The following RBM19 variants were observed in gnomAD, a reference collection of about 807,000 sequenced individuals.
RBM19 encodes probable RNA-binding protein 19.
RBM19 carries 94 observed loss-of-function variants against 116.8 expected under a neutral mutation model. The ratio of observed to expected loss-of-function variants is 0.80; its 90% CI spans 0.68 to 0.95. The LOEUF is 0.95. RBM19 is among the 40% of genes least tolerant of loss of function. The pLI is 0.00. For synonymous variants in RBM19, 475 were observed against 494.1 expected, an observed-to-expected ratio of 0.96 and a Z score of 0.51; for missense variants, 1,161 against 1,220.7, an observed-to-expected ratio of 0.95 and a Z score of 0.73.
At chr12:113,824,855 AC>A (rs905115187) in intron 23 of RBM19, among the ~76,000 whole-genome samples, 2 of 151,346 alleles carry the variant, frequency 1.3e-5, no homozygotes, top group South Asian at 2.1e-4. Flanking sequence ...CTCACTAGAG[AC>A]CCCCCTCCCA....
chr12:113,835,308 C>T (rs1199393947), intron 23 of RBM19, among the ~76,000 whole-genome samples: 1 of 152,120 alleles, frequency 6.6e-6, no homozygotes, highest in African/African-American at 2.4e-5. Flanking sequence ...TCACTGAGTG[C>T]CTCCTCTCTG....
At chr12:113,863,275 G>A (rs149869795) in intron 21 of RBM19, among the ~76,000 whole-genome samples, 11 of 152,000 alleles carry the variant, frequency 7.2e-5, no homozygotes, top group Middle Eastern at 3.4e-3. Context: ...TCCTCTCTCC[G>A]TGCAAATTGC....
At chr12:113,850,101 A>C (rs899501268) in intron 22 of RBM19, among the ~76,000 whole-genome samples, 1 of 152,208 alleles carries the variant, frequency 6.6e-6, no homozygotes, top group African/African-American at 2.4e-5. Flanking sequence ...GGGCTTCGCC[A>C]TCCCTGGGGA....
chr12:113,942,045 T>C (rs1354673572), intron 14 of RBM19, among the ~76,000 whole-genome samples: 1 of 151,906 alleles, frequency 6.6e-6, no homozygotes, highest in Non-Finnish European at 1.5e-5. Flanking sequence ...GGGAAGCCAC[T>C]GGGTAGGGGA....
intron 21 of RBM19, among the ~76,000 whole-genome samples, chr12:113,870,373 A>G (rs966524593): frequency 1.3e-5 from 2 of 152,172 alleles, no homozygotes; most frequent in African/African-American, 4.8e-5. Context: ...GGCCCTATCA[A>G]TTTATTTGGT....
rs200440315 is a variant in RBM19 at position 113,844,660 on chromosome 12, G to A, written c.2785+8C>T. 2.1e-4 allele frequency: 334 copies of A among 1,608,914 alleles called. No homozygotes were observed. Among genetic ancestry groups the A allele is most frequent in the Non-Finnish European group, 2.5e-4 (296 of 1,177,888 alleles). On this transcript the variant is annotated splice_region_variant and intron_variant, in intron 23 of 23. Transcript: ENST00000261741. The stretch of plus-strand genomic sequence containing the variant: ...ATGAGTCAGCCCAAAAGACCGTCCC[G>A]CTCCTACCGTGAAAGTGAGCGGCCG...
Position 113,831,133 on chromosome 12 carries a change from T to C in RBM19, c.2786-7812A>G, listed in dbSNP as rs113972915. Among the ~76,000 whole-genome samples the C allele has an allele frequency of 2.4e-3, 367 of 152,334 alleles. 1 individual carries two copies. Among genetic ancestry groups the C allele is most frequent in the African/African-American group, 8.2e-3 (340 of 41,570 alleles). Reference sequence around the variant, plus strand: ...TGATTTTTCAGAAGAGGTCAGAATCTTGATTTTCAGGTCAAATCTTCCAGT... The same window carrying C: ...TGATTTTTCAGAAGAGGTCAGAATCCTGATTTTCAGGTCAAATCTTCCAGT... On this transcript the variant is annotated intron_variant, in intron 23 of 23. Coordinates refer to ENST00000261741, the MANE Select transcript of RBM19 (RefSeq NM_016196.4).
intron 21 of RBM19, among the ~76,000 whole-genome samples, chr12:113,885,337 A>G (rs760155015): frequency 3.3e-5 from 5 of 152,242 alleles, no homozygotes; most frequent in Non-Finnish European, 5.9e-5. Flanking sequence ...GAACTTCTAC[A>G]AGGCAACTGG....
At chr12:113,872,368 G>C (rs577906003) in intron 21 of RBM19, among the ~76,000 whole-genome samples, 2 of 146,458 alleles carry the variant, frequency 1.4e-5, no homozygotes, top group African/African-American at 2.5e-5. Flanking sequence ...TCTCTGCCCG[G>C]CAGCCACCCC....
chr12:113,957,086 C>T (rs567431560), intron 6 of RBM19, among the ~76,000 whole-genome samples: 5 of 152,190 alleles, frequency 3.3e-5, no homozygotes, highest in Non-Finnish European at 7.3e-5. Context: ...GTGTGTTGAC[C>T]GGGGCTGCTC....
At chr12:113,887,441 T>G (rs1880603796) in intron 21 of RBM19, among the ~76,000 whole-genome samples, 2 of 151,708 alleles carry the variant, frequency 1.3e-5, no homozygotes, top group Admixed American at 1.3e-4. Flanking sequence ...ATCGAGACCA[T>G]CCTGGCTAAC....
At chr12:113,953,040 T>A (rs1871604706) in intron 7 of RBM19, among the ~76,000 whole-genome samples, 2 of 152,232 alleles carry the variant, frequency 1.3e-5, no homozygotes, top group South Asian at 2.1e-4. Flanking sequence ...CTGACAAAAT[T>A]ACAAGCAACT....
At chr12:113,839,406 CT>C (rs1876265080) in intron 23 of RBM19, among the ~76,000 whole-genome samples, 1 of 152,200 alleles carries the variant, frequency 6.6e-6, no homozygotes, top group South Asian at 2.1e-4. Context: ...TCTAGCACGC[CT>C]GCTCTGTGCT....
At chr12:113,942,190 C>T in intron 14 of RBM19, 134 bp downstream of exon 14, 1 of 783,654 alleles carries the variant, frequency 1.3e-6, no homozygotes, top group Non-Finnish European at 2.0e-6. Context: ...TTCTTCTTTT[C>T]TTTAGAGACA....
At chr12:113,894,848 G>A (rs1043621036) in intron 21 of RBM19, among the ~76,000 whole-genome samples, 2 of 152,196 alleles carry the variant, frequency 1.3e-5, no homozygotes, top group Non-Finnish European at 2.9e-5. Flanking sequence ...ACACCCTTGT[G>A]CGACGACACT....
intron 17 of RBM19, among the ~76,000 whole-genome samples, 177 bp downstream of exon 17, chr12:113,926,877 G>C (rs547561493): frequency 6.6e-6 from 1 of 152,254 alleles, no homozygotes; most frequent in African/African-American, 2.4e-5. Context: ...CTAGTCTTCC[G>C]TTGAGTCATC....
At chr12:113,888,615 A>G (rs1880719291) in intron 21 of RBM19, among the ~76,000 whole-genome samples, 1 of 152,084 alleles carries the variant, frequency 6.6e-6, no homozygotes, top group Non-Finnish European at 1.5e-5. Flanking sequence ...TCCCCCATTC[A>G]ACAGATGAGG....
chr12:113,921,595 A>G (rs978784062), intron 18 of RBM19, among the ~76,000 whole-genome samples: 1 of 152,120 alleles, frequency 6.6e-6, no homozygotes, highest in African/African-American at 2.4e-5. Flanking sequence ...AGCAGGTGTT[A>G]CAAAATAAGA....
At chr12:113,908,385 G>A (rs188682247) in intron 21 of RBM19, among the ~76,000 whole-genome samples, 206 of 151,908 alleles carry the variant, frequency 1.4e-3, no homozygotes, top group African/African-American at 4.3e-3. Context: ...CCACTGTCAC[G>A]GCCACTGCAA....
Sources: gnomAD v4.1 joint callset for allele counts (sites outside exome capture counted in the v4.1 genomes callset) on GRCh38, gnomAD v4.1.1 for gene constraint, MANE v1.5 for transcripts, NCBI Gene and HGNC (gene_info 2026-07-23, HGNC 2026-07-21) for gene names.